Variants in TMEM232 observed in about 807,000 individuals in gnomAD.
TMEM232 encodes transmembrane protein 232.
In TMEM232, 80 loss-of-function variants were observed where a neutral mutation model predicts 78.8. The ratio of observed to expected loss-of-function variants is 1.01; its 90% CI spans 0.85 to 1.22. TMEM232 has a LOEUF of 1.22. TMEM232 is among the 50% of genes most tolerant of loss of function. The pLI is 0.00. For missense variants in TMEM232, 881 were observed against 742.2 expected (o/e 1.19, Z -2.17); for synonymous variants, 297 against 254.3 (o/e 1.17, Z -1.60).
At chr5:110,731,620 G>A (rs996607274), upstream of TMEM232, among the ~76,000 whole-genome samples, 4 of 143,938 alleles carry the variant, frequency 2.8e-5, no homozygotes, top group African/African-American at 1.2e-4. Flanking sequence ...CACAGCCCAA[G>A]CTCTACACTG....
At chr5:110,615,140 C>G (rs1782766240) in intron 8 of TMEM232, among the ~76,000 whole-genome samples, 1 of 151,916 alleles carries the variant, frequency 6.6e-6, no homozygotes, top group Non-Finnish European at 1.5e-5. Context: ...TTTAAGCCAT[C>G]CTCCAAAATT....
At chr5:110,690,587 C>A (rs1318012526) in intron 1 of TMEM232, among the ~76,000 whole-genome samples, 1 of 152,088 alleles carries the variant, frequency 6.6e-6, no homozygotes, top group African/African-American at 2.4e-5. Context: ...TGATCTAGAA[C>A]CAGAAATACT....
intron 11 of TMEM232, among the ~76,000 whole-genome samples, chr5:110,548,906 T>C (rs1456551466): frequency 6.6e-6 from 1 of 152,026 alleles, no homozygotes; most frequent in African/African-American, 2.4e-5. Context: ...ATAATGATTA[T>C]AAAGTGTAGT....
chr5:110,683,370 T>C (rs1792990086), intron 1 of TMEM232, among the ~76,000 whole-genome samples: 1 of 151,778 alleles, frequency 6.6e-6, no homozygotes, highest in Non-Finnish European at 1.5e-5. Context: ...AAATTATAAA[T>C]TACAAAGAGA....
chr5:110,440,196 C>T (rs1206892834), intron 12 of TMEM232, among the ~76,000 whole-genome samples: 1 of 152,086 alleles, frequency 6.6e-6, no homozygotes, highest in African/African-American at 2.4e-5. Flanking sequence ...ATCAAAGTGT[C>T]CTTTAAGAGA....
chr5:110,518,895 A>G (rs1413231900), intron 12 of TMEM232, among the ~76,000 whole-genome samples: 1 of 152,186 alleles, frequency 6.6e-6, no homozygotes, highest in African/African-American at 2.4e-5. Context: ...TCATATAAAT[A>G]AGCACAAAAA....
chr5:110,657,356 C>T (rs1789218785), intron 2 of TMEM232, among the ~76,000 whole-genome samples: 1 of 150,398 alleles, frequency 6.6e-6, no homozygotes, highest in African/African-American at 2.4e-5. Context: ...CCTATATGTG[C>T]ATCTAATGAT....
intron 10 of TMEM232, among the ~76,000 whole-genome samples, chr5:110,580,321 G>C (rs1778043804): frequency 6.6e-6 from 1 of 151,314 alleles, no homozygotes; most frequent in Non-Finnish European, 1.5e-5. Flanking sequence ...TCTATGTTTA[G>C]AGACACAAAC....
chr5:110,447,699 C>T (rs916364146), intron 12 of TMEM232, among the ~76,000 whole-genome samples: 3 of 151,590 alleles, frequency 2.0e-5, no homozygotes, highest in East Asian at 1.9e-4. Context: ...GGCTGAAAGT[C>T]GCAAGAATAG....
chr5:110,395,097 A>G (rs1366910727), intron 3 of TMEM232, among the ~76,000 whole-genome samples: 1 of 152,050 alleles, frequency 6.6e-6, no homozygotes, highest in Non-Finnish European at 1.5e-5. Flanking sequence ...AAGTTTTTCT[A>G]TTCCTCCCTC....
chr5:110,616,079 T>C (rs1385505912), intron 8 of TMEM232, among the ~76,000 whole-genome samples: 1 of 151,926 alleles, frequency 6.6e-6, no homozygotes, highest in Non-Finnish European at 1.5e-5. Flanking sequence ...AAATTTAAAA[T>C]TTGTATGAAA....
intron 2 of TMEM232, among the ~76,000 whole-genome samples, chr5:110,410,906 G>A (rs1755971902): frequency 1.3e-5 from 2 of 152,108 alleles, no homozygotes; most frequent in South Asian, 4.1e-4. Flanking sequence ...ATGCTGTTCT[G>A]CTTCTCTAAG....
chr5:110,481,214 A>G (rs753773502), intron 12 of TMEM232, among the ~76,000 whole-genome samples: 73 of 152,228 alleles, frequency 4.8e-4, no homozygotes, highest in Non-Finnish European at 8.8e-4. Flanking sequence ...TGATGTTAAA[A>G]TTTTACTTGT....
intron 2 of TMEM232, among the ~76,000 whole-genome samples, chr5:110,401,413 A>T (rs1755590540): frequency 6.6e-6 from 1 of 151,992 alleles, no homozygotes; most frequent in African/African-American, 2.4e-5. Flanking sequence ...GCCAGGTACG[A>T]CATGCCTCTC....
intron 12 of TMEM232, among the ~76,000 whole-genome samples, chr5:110,459,615 C>A (rs1223034741): frequency 6.6e-6 from 1 of 151,964 alleles, no homozygotes; most frequent in East Asian, 1.9e-4. Context: ...AAATACCAGA[C>A]AAGAAACATC....
At chr5:110,592,948 T>A (rs1254381112) in intron 10 of TMEM232, among the ~76,000 whole-genome samples, 1 of 152,192 alleles carries the variant, frequency 6.6e-6, no homozygotes, top group African/African-American at 2.4e-5. Flanking sequence ...TTGATGAAAC[T>A]GTTGCTCACC....
intron 8 of TMEM232, among the ~76,000 whole-genome samples, chr5:110,617,452 G>A (rs960634199): frequency 1.3e-5 from 2 of 152,196 alleles, no homozygotes; most frequent in East Asian, 3.9e-4. Context: ...ATAAGGATGT[G>A]AGGTGATGGA....
chr5:110,402,787 G>T (rs967291804), intron 2 of TMEM232, among the ~76,000 whole-genome samples: 1 of 152,042 alleles, frequency 6.6e-6, no homozygotes, highest in Non-Finnish European at 1.5e-5. Flanking sequence ...AATGACACTT[G>T]TCCCTAGGGG....
At chr5:110,439,192 A>G (rs1758760621) in intron 12 of TMEM232, among the ~76,000 whole-genome samples, 1 of 152,014 alleles carries the variant, frequency 6.6e-6, no homozygotes, top group Admixed American at 6.6e-5. Flanking sequence ...AAATATTTAC[A>G]AGAAAGTTAT....
Sources: allele counts gnomAD v4.1 joint callset (sites outside exome capture counted in the v4.1 genomes callset), GRCh38; gene constraint gnomAD v4.1.1; transcripts MANE v1.5; gene names NCBI Gene and HGNC (gene_info 2026-07-23, HGNC 2026-07-21).